The following CACTIN variants were observed in gnomAD, a reference collection of about 807,000 sequenced individuals.
CACTIN encodes the protein cactin, spliceosome C complex subunit.
In CACTIN, 20 loss-of-function variants were observed where a neutral mutation model predicts 84.9. That is an observed-to-expected ratio of 0.24 (90% CI 0.17 to 0.34). The LOEUF (loss-of-function observed/expected upper bound fraction) is 0.34, where lower values mean the gene tolerates loss of function less well. Ranked by LOEUF, CACTIN falls within the 10% of genes least tolerant of loss-of-function variation. CACTIN has a pLI of 1.00. For synonymous variants in CACTIN, 549 were observed against 467.9 expected (o/e 1.17, Z -2.24); for missense variants, 897 against 1,117.2 (o/e 0.80, Z 2.81).
chr19:3,618,123 G>A (rs1216888860), intron 6 of CACTIN, among the ~76,000 whole-genome samples: 1 of 151,918 alleles, frequency 6.6e-6, no homozygotes, highest in Non-Finnish European at 1.5e-5. Context: ...AGCAGCCGCT[G>A]GGGCGTGGAT....
intron 1 of CACTIN, among the ~76,000 whole-genome samples, chr19:3,625,960 T>C (rs963196141): frequency 2.6e-5 from 4 of 152,210 alleles, no homozygotes; most frequent in Non-Finnish European, 5.9e-5. Flanking sequence ...ATTCAGGCAC[T>C]AGGAATCAGC....
In CACTIN at chr19:3,611,822, C is replaced by G. The variant is rs1008373557; in HGVS notation, c.*101G>C. 1 of 1,439,160 alleles carries G rather than the reference C, an allele frequency of 6.9e-7. No homozygotes were observed. Among genetic ancestry groups the G allele is most frequent in the Non-Finnish European group, 9.5e-7 (1 of 1,054,506 alleles). 89.1% of individuals were successfully genotyped at this position (1,439,160 alleles called of 1,614,324 possible). ...CGGCCTGAGGTGGGACGTGAACCCG[C>G]GGCCCTGCAGCCCAGACAGCGGCCC... On this transcript the variant is annotated 3_prime_UTR_variant, in exon 10 of 10. Transcript: ENST00000429344.
chr19:3,614,906 G>T, intron 6 of CACTIN: 1 of 435,806 alleles, frequency 2.3e-6, no homozygotes. Context: ...TCTGATATGT[G>T]GGTCTGGGAA....
chr19:3,614,478 AT>A lies in CACTIN; in HGVS notation c.1273del (p.Ile425SerfsTer44). The A allele has an allele frequency of 1.9e-6, 3 of 1,602,000 alleles. No homozygotes were observed. The highest frequency in any genetic ancestry group is 4.5e-5 in the East Asian group (2 of 44,276). ...GTCCAGGTTGGGGCCACCAGCGCGG[AT>A]TTTGCCCTCGATGCCCTGGAAGATG... ...QVIFQGIEGK[I>X]RAGGPNLDMG... On this transcript the variant is annotated frameshift_variant, in exon 7 of 10. Transcript: ENST00000429344. LOFTEE classifies it high-confidence loss of function.
At chr19:3,619,323 C>T (rs1038079753) in intron 4 of CACTIN, 81 bp from the exon 5 acceptor site, 3 of 1,497,968 alleles carry the variant, frequency 2.0e-6, no homozygotes, top group East Asian at 2.3e-5. Flanking sequence ...GGTGACCACA[C>T]CAGTGGGAGC....
At chr19:3,623,312 A>G (rs552984076) in intron 2 of CACTIN, among the ~76,000 whole-genome samples, 22 of 151,908 alleles carry the variant, frequency 1.4e-4, no homozygotes, top group African/African-American at 4.1e-4. Flanking sequence ...GGTGGATCAC[A>G]AGGTCAGGAG....
intron 2 of CACTIN, among the ~76,000 whole-genome samples, chr19:3,622,363 CAA>C (rs34766613): frequency 1.1e-5 from 1 of 88,132 alleles, no homozygotes; most frequent in Non-Finnish European, 2.1e-5. Flanking sequence ...GACTCCATCT[CAA>C]AAAAAAAAAA....
In CACTIN at chr19:3,623,813, T is replaced by G; in HGVS notation, c.517A>C (p.Lys173Gln). The G allele has an allele frequency of 1.2e-6, 2 of 1,613,640 alleles. No homozygotes were observed. The highest frequency in any genetic ancestry group is 1.3e-5 in the African/African-American group (1 of 75,074). The change falls in exon 2 of 10, where the codon AAG (lysine) becomes CAG (glutamine). Residue 173 changes from lysine to glutamine, a missense_variant. Transcript: ENST00000429344. The stretch of plus-strand genomic sequence containing the variant: ...TTCTTGCGCTCCTTGGCCTCCTTCT[T>G]GGCCAGCCGCCGTGCGCGCTTCTCC... The part of the protein sequence containing the change: ...PEEKRARRLA[K>Q]KEAKERKKRE...
rs1004273732 is a variant in CACTIN, at chr19:3,611,383, C to A, written c.*540G>T. On this transcript the variant is annotated 3_prime_UTR_variant, in exon 10 of 10. Coordinates refer to ENST00000429344, the MANE Select transcript of CACTIN (RefSeq NM_001080543.2). Reference sequence around the variant, plus strand: ...GTGCTGCCTGTGCGGGCGAGGGTGGCCTGTGGGCAGGGCTGGAGCTGCCCC... The same window carrying A: ...GTGCTGCCTGTGCGGGCGAGGGTGGACTGTGGGCAGGGCTGGAGCTGCCCC... 33 of 442,800 alleles carry A rather than the reference C, an allele frequency of 7.5e-5. 1 individual carries two copies. Among genetic ancestry groups the A allele is most frequent in the Non-Finnish European group, 1.4e-4 (32 of 223,718 alleles). 27.4% of individuals were successfully genotyped at this position (442,800 alleles called of 1,614,324 possible). A position where few individuals can be genotyped will look rare whatever the true frequency, so the allele number is the denominator to read the frequency against.
At chr19:3,612,953 C>T in intron 9 of CACTIN, 105 bp downstream of exon 9, 1 of 1,346,074 alleles carries the variant, frequency 7.4e-7, no homozygotes, top group Non-Finnish European at 1.0e-6. Context: ...CAGCAAGCAG[C>T]TCCCCACTGA....
At chr19:3,612,811 G>C in intron 9 of CACTIN, 1 of 707,942 alleles carries the variant, frequency 1.4e-6, no homozygotes, top group Non-Finnish European at 2.6e-6. Flanking sequence ...GGAGTGCTCG[G>C]ACAGCGGCCG....
chr19:3,617,751 C>T (rs549006168), intron 6 of CACTIN, among the ~76,000 whole-genome samples: 34 of 152,322 alleles, frequency 2.2e-4, no homozygotes, highest in South Asian at 8.3e-4. Context: ...TGCCCAGCCC[C>T]GCTGCCACCA....
At chr19:3,620,832 C>G in intron 2 of CACTIN, 30 bp from the exon 3 acceptor site, 3 of 1,572,488 alleles carry the variant, frequency 1.9e-6, no homozygotes, top group Middle Eastern at 3.3e-4. Context: ...CTGCCCTGAG[C>G]ACAGACCCGC....
rs755789335 is a variant in CACTIN at position 3,620,378 on chromosome 19, C to T, written c.739-106G>A. 4.0e-5 allele frequency: 52 copies of T among 1,295,422 alleles called. No individual in the cohort carries two copies. In the African/African-American group the frequency reaches 7.5e-4, roughly 19 times the overall value. The allele number at this position is 1,295,422 out of a possible 1,614,324, so 80.2% of individuals were successfully genotyped here. ...CCAGCCTTCACCCAGCTGCCCTGGG[C>T]ACAGGGATTGGTCCGGAGATGCCTG... On this transcript the variant is annotated intron_variant, in intron 3 of 9. Coordinates refer to ENST00000429344, the MANE Select transcript of CACTIN (RefSeq NM_001080543.2).
rs764731895 is a variant in CACTIN, at chr19:3,624,025, C to G, written c.305G>C (p.Arg102Pro). The change falls in exon 2 of 10, where the codon CGG (arginine) becomes CCG (proline). Residue 102 changes from arginine (R) to proline (P), a missense_variant. Around this residue, in one of 8 missense-constraint regions of CACTIN, gnomAD observed 261 missense variants for 243.8 expected, o/e 1.07. Coordinates refer to ENST00000429344, the MANE Select transcript of CACTIN (RefSeq NM_001080543.2). ...AGACCACGAGCGTGCGCGCCGTCGC[C>G]GGCGAGCCCACTGGCCCCGTGACTG... ...EEQSRGQWARRRRRARSWSPS... is the reference protein window; with the variant it reads ...EEQSRGQWARPRRRARSWSPS... 3 of 1,605,420 alleles carry G rather than the reference C, an allele frequency of 1.9e-6. No individual in the cohort carries two copies. Among genetic ancestry groups the G allele is most frequent in the Non-Finnish European group, 2.5e-6 (3 of 1,179,636 alleles).
rs750482585 is a variant in CACTIN at position 3,626,777 on chromosome 19, GC to G, written c.-16del. 7.3e-6 allele frequency: 10 copies of G among 1,370,256 alleles called. No individual in the cohort carries two copies. The highest frequency in any genetic ancestry group is 6.4e-5 in the Admixed American group (2 of 31,400). The allele number at this position is 1,370,256 out of a possible 1,614,324, so 84.9% of individuals were successfully genotyped here. On this transcript the variant is annotated 5_prime_UTR_variant, in exon 1 of 10. Transcript: ENST00000429344. ...TCCCGACCCATCGGCTGGGCCAGTG[GC>G]CGCGGCACCAACACCAATAGCCGAA...
chr19:3,621,263 G>C (rs889573764), intron 2 of CACTIN, among the ~76,000 whole-genome samples: 1 of 152,248 alleles, frequency 6.6e-6, no homozygotes, highest in Non-Finnish European at 1.5e-5. Flanking sequence ...GGCAGCAGCA[G>C]CTCTGAAAGC....
Position 3,612,417 on chromosome 19 carries a change from C to T in CACTIN, c.1787-4G>A, listed in dbSNP as rs1014880759. On this transcript the variant is annotated splice_region_variant and splice_polypyrimidine_tract_variant and intron_variant, in intron 9 of 9. Coordinates refer to ENST00000429344, the MANE Select transcript of CACTIN (RefSeq NM_001080543.2). Reference sequence around the variant, plus strand: ...TCGGCGCTCTCGCTGGCGTCTCCTGCGGGCGGGACGGCGTTCACCCGGGCC... The same window carrying T: ...TCGGCGCTCTCGCTGGCGTCTCCTGTGGGCGGGACGGCGTTCACCCGGGCC... The T allele has an allele frequency of 5.1e-6, 8 of 1,579,144 alleles. No homozygotes were observed. In the Admixed American group the frequency reaches 5.1e-5, roughly 10 times the overall value.
At chr19:3,626,564 G>T (rs1333741407) in intron 1 of CACTIN, 32 bp downstream of exon 1, 6 of 1,379,328 alleles carry the variant, frequency 4.3e-6, no homozygotes, top group Non-Finnish European at 5.6e-6. Flanking sequence ...GTAGGAGCCG[G>T]ATCCCCAGCG....
Sources: allele counts gnomAD v4.1 joint callset (sites outside exome capture counted in the v4.1 genomes callset), GRCh38; gene constraint gnomAD v4.1.1; regional missense constraint gnomAD v4.1.1; transcripts MANE v1.5; gene names NCBI Gene and HGNC (gene_info 2026-07-23, HGNC 2026-07-21).